The following RHPN1 variants were observed in gnomAD, a reference collection of about 807,000 sequenced individuals.
RHPN1 encodes rhophilin Rho GTPase binding protein 1.
RHPN1 carries 77 observed loss-of-function variants against 74.7 expected under a neutral mutation model. That is an observed-to-expected ratio of 1.03 (90% confidence interval 0.86 to 1.25). RHPN1 has a LOEUF of 1.25. Among genes scored for constraint, RHPN1 ranks in the 50% most tolerant of loss-of-function variants. The probability of loss-of-function intolerance (pLI) is 0.00; values close to 1 mark genes in which losing one functional copy is unlikely to be tolerated. For missense variants in RHPN1, 987 were observed against 932.2 expected, an observed-to-expected ratio of 1.06 and a Z score of -0.77; for synonymous variants, 444 against 414.5, an observed-to-expected ratio of 1.07 and a Z score of -0.87.
Position 143,378,356 on chromosome 8 carries a change from T to TCGGGGGGGGGGGGGGGGCGG in RHPN1, c.459+11_459+12insGGGGGGGGGGGGGGGGCGGC. The stretch of plus-strand genomic sequence containing the variant: ...GGAGGCCCTGCGGCAGGTGTGTGGT[T>TCGGGGGGGGGGGGGGGGCGG]CCCCCGCCCACCCACCCTCCTGCAG... On this transcript the variant is annotated intron_variant, in intron 5 of 14. Coordinates refer to ENST00000289013, the MANE Select transcript of RHPN1 (RefSeq NM_052924.3). 6.6e-7 allele frequency: 1 copy of TCGGGGGGGGGGGGGGGGCGG among 1,525,440 alleles called. No individual in the cohort carries two copies. Among genetic ancestry groups the TCGGGGGGGGGGGGGGGGCGG allele is most frequent in the Non-Finnish European group, 8.8e-7 (1 of 1,136,350 alleles). 94.5% of individuals were successfully genotyped at this position (1,525,440 alleles called of 1,614,324 possible). A position where few individuals can be genotyped will look rare whatever the true frequency, so the allele number is the denominator to read the frequency against.
chr8:143,369,041 G>C lies in RHPN1; in HGVS notation c.54G>C (p.Arg18=). Reference sequence around the variant, plus strand: ...CGGGCGCCGGCGAGGAGAGCCCGCGGCTGCAGGTGCGCAGAACTGGCGCGG... The same window carrying C: ...CGGGCGCCGGCGAGGAGAGCCCGCGCCTGCAGGTGCGCAGAACTGGCGCGG... ...DGAGAGEESP[R]LQGCDSLTQI... is the part of the protein sequence containing the mutation. The change falls in exon 1 of 15, where the codon CGG becomes CGC. Residue 18 remains arginine, a synonymous_variant. Coordinates refer to ENST00000289013, the MANE Select transcript of RHPN1 (RefSeq NM_052924.3). 6.7e-7 allele frequency: 1 copy of C among 1,494,142 alleles called. No homozygotes were observed. The highest frequency in any genetic ancestry group is 8.9e-7 in the Non-Finnish European group (1 of 1,129,850). The allele number at this position is 1,494,142 out of a possible 1,614,324, so 92.6% of individuals were successfully genotyped here.
At chr8:143,379,695 C>A in intron 8 of RHPN1, 134 bp from the exon 9 acceptor site, 1 of 1,451,322 alleles carries the variant, frequency 6.9e-7, no homozygotes. Context: ...CAGGGGATGG[C>A]ACAAAGCAGC....
rs749609048 is a variant in RHPN1 at position 143,381,977 on chromosome 8, C to G, written c.1797+9C>G. ...CTAGACTGCCCAGCTTGGTGAGCCC[C>G]TGGGGCCCCAGAGGGGCGGTCCCCA... On this transcript the variant is annotated intron_variant, in intron 14 of 14. Coordinates refer to ENST00000289013, the MANE Select transcript of RHPN1 (RefSeq NM_052924.3). 9 of 1,571,292 alleles carry G rather than the reference C, an allele frequency of 5.7e-6. No homozygotes were observed. Among genetic ancestry groups the G allele is most frequent in the Admixed American group, 3.6e-5 (2 of 55,500 alleles).
intron 14 of RHPN1, among the ~76,000 whole-genome samples, 174 bp from the exon 15 acceptor site, chr8:143,382,262 C>G (rs1221711075): frequency 6.6e-6 from 1 of 152,222 alleles, no homozygotes; most frequent in African/African-American, 2.4e-5. Flanking sequence ...CATGGCTGAC[C>G]CAGGGTTGGG....
chr8:143,370,719 C>T (rs1299654078), intron 1 of RHPN1, among the ~76,000 whole-genome samples: 1 of 152,246 alleles, frequency 6.6e-6, no homozygotes, highest in East Asian at 1.9e-4. Context: ...GAGTAAGTGG[C>T]CAAGGCTGCC....
intron 3 of RHPN1, 64 bp downstream of exon 3, chr8:143,376,717 ATG>A: frequency 4.7e-6 from 7 of 1,496,510 alleles, no homozygotes; most frequent in South Asian, 1.2e-5. Context: ...GTGTGTGTGC[ATG>A]TGTGTGCACG....
At chr8:143,369,105 C>G in intron 1 of RHPN1, 58 bp downstream of exon 1, 2 of 1,335,906 alleles carry the variant, frequency 1.5e-6, no homozygotes, top group African/African-American at 1.5e-5. Flanking sequence ...CCTTTTCCTG[C>G]CCCCCCTCGA....
At position 143,381,824 on chromosome 8, in the gene RHPN1, G is replaced by A; in HGVS notation, c.1653G>A (p.Glu551=). 6.2e-7 allele frequency: 1 copy of A among 1,612,896 alleles called. No homozygotes were observed. The highest frequency in any genetic ancestry group is 1.1e-5 in the South Asian group (1 of 90,968). The change falls in exon 14 of 15, where the codon GAG becomes GAA. Residue 551 remains glutamate, a synonymous_variant. Coordinates refer to ENST00000289013, the MANE Select transcript of RHPN1 (RefSeq NM_052924.3). ...CCCCACAGGCGGCTGGCCTGAAGGA[G>A]GGCGACTACATTGTGTCAGTGAATG... ...GSQAAAAGLK[E]GDYIVSVNGQ... is the part of the protein sequence containing the mutation.
upstream of RHPN1, among the ~76,000 whole-genome samples, chr8:143,365,092 G>A (rs187863721): frequency 1.6e-4 from 25 of 152,048 alleles, no homozygotes; most frequent in African/African-American, 4.6e-4. Flanking sequence ...CAAAATACAC[G>A]GCCAGTTAAA....
chr8:143,379,393 A>T lies in RHPN1; in HGVS notation c.830A>T (p.Glu277Val). ...DMSAASLCAL[E>V]QLMMAQAQEC... The stretch of plus-strand genomic sequence containing the variant: ...AGCGCTGCGTCCCTCTGCGCACTGG[A>T]GCAGCTCATGATGGCCCAGGCCCAG... The change falls in exon 8 of 15, where the codon GAG (glutamate) becomes GTG (valine). Residue 277 changes from glutamate to valine, a missense_variant. By Grantham distance (121) the Glu-to-Val change is moderately radical. Transcript: ENST00000289013. 1 of 1,596,636 alleles carries T rather than the reference A, an allele frequency of 6.3e-7. No homozygotes were observed. The highest frequency in any genetic ancestry group is 8.5e-7 in the Non-Finnish European group (1 of 1,172,116).
At chr8:143,381,525 C>T in intron 12 of RHPN1, 47 bp from the exon 13 acceptor site, 1 of 1,574,928 alleles carries the variant, frequency 6.3e-7, no homozygotes, top group Non-Finnish European at 8.6e-7. Flanking sequence ...GCGGGGTCTC[C>T]TCAGTGTGTG....
chr8:143,375,155 A>C (rs1818129515), intron 1 of RHPN1, among the ~76,000 whole-genome samples: 1 of 152,236 alleles, frequency 6.6e-6, no homozygotes, highest in East Asian at 1.9e-4. Context: ...GGGGGGATCC[A>C]GAATGAAATC....
chr8:143,374,679 G>C (rs143407212), intron 1 of RHPN1, among the ~76,000 whole-genome samples: 1 of 152,228 alleles, frequency 6.6e-6, no homozygotes, highest in Non-Finnish European at 1.5e-5. Flanking sequence ...AAGAGTGGGG[G>C]TTGGGAGGCC....
At position 143,380,655 on chromosome 8, in the gene RHPN1, G is replaced by T; in HGVS notation, c.1283G>T (p.Arg428Leu). 6.4e-7 allele frequency: 1 copy of T among 1,567,718 alleles called. No homozygotes were observed. Among genetic ancestry groups the T allele is most frequent in the Non-Finnish European group, 8.6e-7 (1 of 1,156,974 alleles). ...GCGCTGCGGCTGCACGCCCTGTGCC[G>T]CGTCCTGCGCGAGGTGGACCTGCTT... ...EEALRLHALCRVLREVDLLRA... is the reference protein window; with the variant it reads ...EEALRLHALCLVLREVDLLRA... Residue 428 changes from arginine to leucine, a missense_variant, in exon 11 of 15, where the codon CGC becomes CTC. By Grantham distance (102) the Arg-to-Leu change is moderately radical. Transcript: ENST00000289013.
upstream of RHPN1, among the ~76,000 whole-genome samples, chr8:143,365,314 G>A (rs1398546012): frequency 6.6e-6 from 1 of 152,150 alleles, no homozygotes; most frequent in Non-Finnish European, 1.5e-5. Context: ...GCACCCACTG[G>A]GCAAGGGGCA....
chr8:143,378,357 C>CGGG lies in RHPN1; in HGVS notation c.459+11_459+12insGGG. The CGGG allele has an allele frequency of 6.6e-7, 1 of 1,520,940 alleles. No individual in the cohort carries two copies. 94.2% of individuals were successfully genotyped at this position (1,520,940 alleles called of 1,614,324 possible). ...GAGGCCCTGCGGCAGGTGTGTGGTT[C>CGGG]CCCCGCCCACCCACCCTCCTGCAGC... On this transcript the variant is annotated intron_variant, in intron 5 of 14. Coordinates refer to ENST00000289013, the MANE Select transcript of RHPN1 (RefSeq NM_052924.3).
intron 1 of RHPN1, among the ~76,000 whole-genome samples, chr8:143,373,972 C>G (rs74680952): frequency 6.6e-6 from 1 of 152,078 alleles, no homozygotes. Context: ...ACACAATTCA[C>G]CCATAATAGA....
chr8:143,376,869 T>TGTGTGTGC (rs1280830606), intron 3 of RHPN1, among the ~76,000 whole-genome samples: 2 of 8,374 alleles, frequency 2.4e-4, no homozygotes, highest in African/African-American at 5.0e-4. Flanking sequence ...TCTGTGTGTA[T>TGTGTGTGC]ATGTGTGTGC....
intron 5 of RHPN1, 140 bp downstream of exon 5, chr8:143,378,486 G>C (rs1818445365): frequency 1.0e-6 from 1 of 995,074 alleles, no homozygotes; most frequent in East Asian, 2.6e-5. Context: ...CAGGGGCCCT[G>C]TGTGTCCAGA....
Sources: gnomAD v4.1 joint callset for allele counts (sites outside exome capture counted in the v4.1 genomes callset) on GRCh38, gnomAD v4.1.1 for gene constraint, MANE v1.5 for transcripts, NCBI Gene and HGNC (gene_info 2026-07-23, HGNC 2026-07-21) for gene names.